The following ADAD1 variants were observed in gnomAD, a reference collection of about 807,000 sequenced individuals.
ADAD1 encodes the protein adenosine deaminase domain-containing protein 1.
In ADAD1, 46 loss-of-function variants were observed where a neutral mutation model predicts 66.8. That is an observed-to-expected ratio of 0.69 (90% confidence interval 0.54 to 0.88). The LOEUF (loss-of-function observed/expected upper bound fraction) is 0.88, where lower values mean the gene tolerates loss of function less well. Among genes scored for constraint, ADAD1 ranks in the 40% least tolerant of loss-of-function variants. The pLI is 0.00. For missense variants in ADAD1, 617 were observed against 681.8 expected, an observed-to-expected ratio of 0.91 and a Z score of 1.06; for synonymous variants, 248 against 229.4, an observed-to-expected ratio of 1.08 and a Z score of -0.73.
intron 12 of ADAD1, among the ~76,000 whole-genome samples, chr4:122,427,330 C>T (rs1024362515): frequency 3.9e-5 from 6 of 151,982 alleles, no homozygotes; most frequent in African/African-American, 1.5e-4. Context: ...AATGATGAAA[C>T]ATAGATGAGA....
chr4:122,396,463 G>A, intron 7 of ADAD1, 86 bp downstream of exon 7: 1 of 1,143,030 alleles, frequency 8.7e-7, no homozygotes, highest in Non-Finnish European at 1.2e-6. Context: ...TGTACACAAT[G>A]GTGTTGCATT....
intron 5 of ADAD1, among the ~76,000 whole-genome samples, chr4:122,384,740 A>T (rs1313940835): frequency 1.3e-5 from 2 of 152,122 alleles, no homozygotes; most frequent in Non-Finnish European, 2.9e-5. Flanking sequence ...AGGGCTAGCG[A>T]ATGTTTTGCC....
chr4:122,402,238 C>T (rs530551527), intron 7 of ADAD1, among the ~76,000 whole-genome samples: 99 of 152,172 alleles, frequency 6.5e-4, no homozygotes, highest in Non-Finnish European at 1.3e-3. Context: ...AAGACTTTAT[C>T]TTTCCTTCAT....
intron 5 of ADAD1, among the ~76,000 whole-genome samples, chr4:122,387,750 T>G (rs536797604): frequency 1.7e-4 from 25 of 150,126 alleles, no homozygotes; most frequent in South Asian, 1.5e-3. Flanking sequence ...GGTTTTTTTT[T>G]TTTGTTTTTT....
chr4:122,393,865 A>AT (rs76834415), intron 6 of ADAD1, among the ~76,000 whole-genome samples: 7 of 151,798 alleles, frequency 4.6e-5, no homozygotes, highest in South Asian at 4.2e-4. Context: ...TGAAGAAAAG[A>AT]TTTTTTTTTC....
chr4:122,381,102 A>C lies in ADAD1; in HGVS notation c.283A>C (p.Ile95Leu). The change falls in exon 4 of 13, where the codon ATA becomes CTA. Residue 95 changes from isoleucine to leucine, a missense_variant. Physicochemically the swap from Ile to Leu is conservative, Grantham distance 5. Transcript: ENST00000296513. ...TATAATGAAATACAAACGTGGAGAG[A>C]TAAATCCTGTGTCAGCCTTGCACCA... The part of the protein sequence containing the change: ...EFIMKYKRGE[I>L]NPVSALHQFA... 6.2e-7 allele frequency: 1 copy of C among 1,606,446 alleles called. No homozygotes were observed. Among genetic ancestry groups the C allele is most frequent in the Non-Finnish European group, 8.5e-7 (1 of 1,178,640 alleles).
At chr4:122,396,430 T>C in intron 7 of ADAD1, 53 bp downstream of exon 7, 3 of 1,436,180 alleles carry the variant, frequency 2.1e-6, no homozygotes, top group African/African-American at 1.5e-5. Flanking sequence ...AATAGTAATA[T>C]TTTAGTTAAC....
At chr4:122,427,692 G>A (rs1320332096) in intron 12 of ADAD1, among the ~76,000 whole-genome samples, 7 of 151,406 alleles carry the variant, frequency 4.6e-5, no homozygotes, top group African/African-American at 1.2e-4. Flanking sequence ...CCGCCACCAC[G>A]CCCGGCTAAT....
rs553312887 is a variant in ADAD1 at position 122,391,181 on chromosome 4, C to T, written c.530-2408C>T. On this transcript the variant is annotated intron_variant, in intron 5 of 12. Transcript: ENST00000296513. ...AGGCCCTATTTATCTGATTCTCTCC[C>T]GTGCCTGGAGATGTCACTCAGGGAG... Among the ~76,000 whole-genome samples the T allele has an allele frequency of 9.9e-5, 15 of 152,180 alleles. No individual in the cohort carries two copies. The East Asian group carries it at 1.7e-3, about 18-fold the overall frequency.
rs1174672268 is a variant in ADAD1, at chr4:122,380,270, G to A, written c.172+29G>A. Reference sequence around the variant, plus strand: ...CGACTTTTTTCATTTGTAACAATGAGTCAGTTCTTTAAGATTCTAGGATGG... The same window carrying A: ...CGACTTTTTTCATTTGTAACAATGAATCAGTTCTTTAAGATTCTAGGATGG... On this transcript the variant is annotated intron_variant, in intron 3 of 12. Transcript: ENST00000296513. 3.2e-6 allele frequency: 5 copies of A among 1,586,936 alleles called. No individual in the cohort carries two copies. The Admixed American group carries it at 7.3e-5, about 23-fold the overall frequency.
At chr4:122,422,977 AAAG>A (rs1553925583) in intron 12 of ADAD1, among the ~76,000 whole-genome samples, 59 of 149,206 alleles carry the variant, frequency 4.0e-4, no homozygotes, top group Middle Eastern at 3.4e-3. Context: ...AAAAAAAAAA[AAAG>A]AAGAAGAAGA....
chr4:122,423,382 A>G (rs928072965), intron 12 of ADAD1, among the ~76,000 whole-genome samples: 3 of 152,186 alleles, frequency 2.0e-5, no homozygotes, highest in African/African-American at 4.8e-5. Context: ...TAAATTCTTC[A>G]TATTTTCCTG....
At chr4:122,405,801 A>G (rs1796182488) in intron 7 of ADAD1, among the ~76,000 whole-genome samples, 1 of 152,134 alleles carries the variant, frequency 6.6e-6, no homozygotes, top group Non-Finnish European at 1.5e-5. Context: ...CAACCTTTTT[A>G]GATTCCACAT....
Position 122,412,574 on chromosome 4 carries a change from C to A in ADAD1, c.1020-6C>A, listed in dbSNP as rs1185845354. 8 of 1,611,208 alleles carry A rather than the reference C, an allele frequency of 5.0e-6. No homozygotes were observed. The highest frequency in any genetic ancestry group is 2.2e-5 in the East Asian group (1 of 44,854). On this transcript the variant is annotated splice_polypyrimidine_tract_variant and splice_region_variant and intron_variant, in intron 9 of 12. Transcript: ENST00000296513. ...TAAAGGAAGAAACTTTCTTTTCTTT[C>A]TCTAGACGTCTTAATCCACATTCTA... is the stretch of plus-strand genomic sequence containing the variant.
chr4:122,422,664 G>A (rs1797056236), intron 12 of ADAD1, among the ~76,000 whole-genome samples: 2 of 151,880 alleles, frequency 1.3e-5, no homozygotes, highest in Admixed American at 1.3e-4. Flanking sequence ...CTAGTTTTGT[G>A]GCATAAAGAA....
At chr4:122,394,247 A>C (rs1198824450) in intron 6 of ADAD1, among the ~76,000 whole-genome samples, 2 of 152,208 alleles carry the variant, frequency 1.3e-5, no homozygotes, top group Admixed American at 1.3e-4. Context: ...CTAAATAGTA[A>C]CTAATATTAT....
intron 5 of ADAD1, among the ~76,000 whole-genome samples, chr4:122,389,330 A>G (rs1200251922): frequency 1.3e-5 from 2 of 152,262 alleles, no homozygotes; most frequent in Non-Finnish European, 2.9e-5. Context: ...AAGAATGTAT[A>G]TTCTGTTGAC....
rs892902780 is a variant in ADAD1 at position 122,415,503 on chromosome 4, C to A, written c.1374C>A (p.Pro458=). The change falls in exon 11 of 13, where the codon CCC becomes CCA. Residue 458 remains proline, a synonymous_variant. Coordinates refer to ENST00000296513, the MANE Select transcript of ADAD1 (RefSeq NM_139243.4). ...ACAGACCTCATATTAGTTTAGTACC[C>A]TCTGCATATCCCCTTCAAATGAACT... ...LVNRPHISLV[P]SAYPLQMNLE... is the part of the protein sequence containing the mutation. 1.9e-6 allele frequency: 3 copies of A among 1,613,788 alleles called. No homozygotes were observed. In the African/African-American group the frequency reaches 4.0e-5, roughly 22 times the overall value.
chr4:122,388,841 G>T (rs1795307700), intron 5 of ADAD1, among the ~76,000 whole-genome samples: 1 of 151,532 alleles, frequency 6.6e-6, no homozygotes, highest in East Asian at 1.9e-4. Context: ...GATTTTTTTT[G>T]GAGGGTTTTT....
Sources: allele counts gnomAD v4.1 joint callset (sites outside exome capture counted in the v4.1 genomes callset), GRCh38; gene constraint gnomAD v4.1.1; transcripts MANE v1.5; gene names NCBI Gene and HGNC (gene_info 2026-07-23, HGNC 2026-07-21).